Variants in COG5 observed in about 807,000 individuals in gnomAD.
COG5 encodes component of oligomeric golgi complex 5.
COG5 carries 86 observed loss-of-function variants against 110.4 expected under a neutral mutation model. The ratio of observed to expected loss-of-function variants is 0.78; its 90% CI spans 0.65 to 0.93. The LOEUF (loss-of-function observed/expected upper bound fraction) is 0.93. COG5 is among the 40% of genes least tolerant of loss of function. COG5 has a pLI of 0.00. For missense variants in COG5, 1,077 were observed against 987.0 expected (o/e 1.09, Z -1.22); for synonymous variants, 360 against 334.6 (o/e 1.08, Z -0.83).
Position 107,256,634 on chromosome 7 carries a change from G to C in COG5, c.1749+98C>G, listed in dbSNP as rs1226123411. 3 of 760,614 alleles carry C rather than the reference G, an allele frequency of 3.9e-6. No individual in the cohort carries two copies. The African/African-American group carries it at 5.2e-5, about 13-fold the overall frequency. The allele number at this position is 760,614 out of a possible 1,614,324, so 47.1% of individuals were successfully genotyped here. A position where few individuals can be genotyped will look rare whatever the true frequency, so the allele number is the denominator to read the frequency against. On this transcript the variant is annotated intron_variant, in intron 16 of 21. Transcript: ENST00000297135. ...ACATGCTACTTTTGTATATATAGAGGATTCTGAATTATTATAAAATGTGAC... is the reference window on the plus strand; with the variant it reads ...ACATGCTACTTTTGTATATATAGAGCATTCTGAATTATTATAAAATGTGAC...
intron 5 of COG5, among the ~76,000 whole-genome samples, chr7:107,541,524 A>ATATATATATATATATATATATATATGTG (rs1563091342): frequency 4.2e-4 from 17 of 40,078 alleles, no homozygotes; most frequent in African/African-American, 2.0e-3. Flanking sequence ...AAAAAAAAAA[A>ATATATATATATATATATATATATATGTG]TATATATATA....
chr7:107,320,500 T>A (rs1295304286), intron 11 of COG5, among the ~76,000 whole-genome samples: 1 of 152,310 alleles, frequency 6.6e-6, no homozygotes, highest in East Asian at 1.9e-4. Flanking sequence ...ATTGAATTTT[T>A]ATCTAAACAT....
intron 11 of COG5, among the ~76,000 whole-genome samples, chr7:107,313,090 C>T (rs951584448): frequency 2.0e-5 from 3 of 152,178 alleles, no homozygotes; most frequent in Non-Finnish European, 4.4e-5. Context: ...CAAGCAAGGT[C>T]TTATCCTGAA....
intron 6 of COG5, among the ~76,000 whole-genome samples, chr7:107,520,216 T>C (rs1331298071): frequency 6.6e-6 from 1 of 152,168 alleles, no homozygotes; most frequent in Non-Finnish European, 1.5e-5. Flanking sequence ...GCTGGAAGCA[T>C]TCCCTTTGAA....
chr7:107,384,127 T>G (rs969416020), intron 7 of COG5, among the ~76,000 whole-genome samples: 1 of 152,168 alleles, frequency 6.6e-6, no homozygotes, highest in Non-Finnish European at 1.5e-5. Context: ...GCCATCAGAC[T>G]CCAAATGGTC....
At chr7:107,376,294 C>T (rs1410643706) in intron 7 of COG5, among the ~76,000 whole-genome samples, 1 of 151,886 alleles carries the variant, frequency 6.6e-6, no homozygotes, top group African/African-American at 2.4e-5. Flanking sequence ...TCAAAATTGG[C>T]TTGACAAATG....
intron 6 of COG5, among the ~76,000 whole-genome samples, chr7:107,416,573 AATG>A (rs1792864108): frequency 4.6e-5 from 7 of 152,204 alleles, no homozygotes; most frequent in African/African-American, 1.7e-4. Flanking sequence ...ATATGTTAAA[AATG>A]TGTTTTTGCA....
rs185023709 is a variant in COG5 at position 107,518,437 on chromosome 7, T to C, written c.538+8800A>G. Among the ~76,000 whole-genome samples, 109 of 152,066 alleles carry C rather than the reference T, an allele frequency of 7.2e-4. 1 individual carries two copies. The highest frequency in any genetic ancestry group is 1.2e-3 in the Non-Finnish European group (79 of 67,980). On this transcript the variant is annotated intron_variant, in intron 6 of 21. Transcript: ENST00000297135. ...CCCATCTCACGTGCAAAGATATACA[T>C]AGGCTCAAAATAAGAGGATAGATGA...
intron 3 of COG5, among the ~76,000 whole-genome samples, chr7:107,550,375 A>C (rs1342881914): frequency 6.6e-6 from 1 of 152,144 alleles, no homozygotes; most frequent in African/African-American, 2.4e-5. Context: ...CCGAGTATTA[A>C]TCTCATCATA....
chr7:107,415,185 T>C (rs1792628911), intron 6 of COG5, among the ~76,000 whole-genome samples: 1 of 152,208 alleles, frequency 6.6e-6, no homozygotes, highest in Non-Finnish European at 1.5e-5. Context: ...GAATGAGGAA[T>C]GCACGTATGA....
At chr7:107,259,116 CTCT>C (rs557674844) in intron 14 of COG5, among the ~76,000 whole-genome samples, 2 of 151,826 alleles carry the variant, frequency 1.3e-5, no homozygotes, top group South Asian at 4.2e-4. Flanking sequence ...TTGAGTTAAT[CTCT>C]TAACTGTCAT....
In COG5 at chr7:107,401,525, A is replaced by G. The variant is rs116667837; in HGVS notation, c.669+10977T>C. Among the ~76,000 whole-genome samples the G allele has an allele frequency of 4.6e-5, 7 of 152,322 alleles. No homozygotes were observed. The East Asian group carries it at 1.3e-3, about 29-fold the overall frequency. On this transcript the variant is annotated intron_variant, in intron 7 of 21. Coordinates refer to ENST00000297135, the MANE Select transcript of COG5 (RefSeq NM_006348.5). ...GTGATGGGAACAAACAGACAAATAT[A>G]TGGTGAAACAACAGCAAATTATCAT...
At chr7:107,455,601 C>A (rs1057427837) in intron 6 of COG5, among the ~76,000 whole-genome samples, 1 of 152,022 alleles carries the variant, frequency 6.6e-6, no homozygotes, top group Non-Finnish European at 1.5e-5. Flanking sequence ...TATTATCTGG[C>A]CTTTTGTAGA....
chr7:107,390,316 C>A (rs1045369488), intron 7 of COG5, among the ~76,000 whole-genome samples: 1 of 151,964 alleles, frequency 6.6e-6, no homozygotes, highest in African/African-American at 2.4e-5. Context: ...GGTAATCTGG[C>A]CAAAAATGTG....
At chr7:107,268,233 G>A (rs1354572156) in intron 14 of COG5, among the ~76,000 whole-genome samples, 2 of 152,150 alleles carry the variant, frequency 1.3e-5, no homozygotes, top group Non-Finnish European at 2.9e-5. Context: ...CTCCCAAAGT[G>A]CAGGGATTAC....
At chr7:107,500,435 C>A (rs912632809) in intron 6 of COG5, among the ~76,000 whole-genome samples, 4 of 152,142 alleles carry the variant, frequency 2.6e-5, no homozygotes, top group African/African-American at 9.7e-5. Context: ...CTGTGTACTA[C>A]CTCATTCTGA....
At position 107,455,507 on chromosome 7, in the gene COG5, T is replaced by C. The variant is rs543467367; in HGVS notation, c.539-42875A>G. Reference sequence around the variant, plus strand: ...GTGGTCTCAGCCCTCAAGCTGAAAATGTTTTTACATTTTTAAAAGGTCAAA... The same window carrying C: ...GTGGTCTCAGCCCTCAAGCTGAAAACGTTTTTACATTTTTAAAAGGTCAAA... On this transcript the variant is annotated intron_variant, in intron 6 of 21. Transcript: ENST00000297135. Among the ~76,000 whole-genome samples the C allele has an allele frequency of 5.9e-5, 9 of 152,272 alleles. 1 individual carries two copies. In the South Asian group the frequency reaches 1.9e-3, roughly 32 times the overall value.
chr7:107,272,271 C>T (rs1217712216), intron 14 of COG5, among the ~76,000 whole-genome samples: 4 of 152,178 alleles, frequency 2.6e-5, no homozygotes, highest in African/African-American at 9.7e-5. Flanking sequence ...TTTGGAGAGG[C>T]TATTCAGAAA....
intron 11 of COG5, among the ~76,000 whole-genome samples, chr7:107,317,828 T>C (rs986591259): frequency 7.2e-4 from 110 of 152,322 alleles, no homozygotes; most frequent in Non-Finnish European, 6.6e-4. Flanking sequence ...ACATAGATGT[T>C]AGAATGAGCG....
Sources: gnomAD v4.1 joint callset for allele counts (sites outside exome capture counted in the v4.1 genomes callset) on GRCh38, gnomAD v4.1.1 for gene constraint, MANE v1.5 for transcripts, NCBI Gene and HGNC (gene_info 2026-07-23, HGNC 2026-07-21) for gene names.